ZNF540: variants seen among roughly 807,000 people sequenced by gnomAD.
The protein encoded by ZNF540 is zinc finger protein 540.
A neutral mutation model predicts 11.8 loss-of-function variants in ZNF540; 3 were observed. That is an observed-to-expected ratio of 0.25 (90% confidence interval 0.12 to 0.65). ZNF540 has a LOEUF of 0.65. ZNF540 is among the 30% of genes least tolerant of loss of function. The pLI is 0.83. For synonymous variants in ZNF540, 247 were observed against 259.0 expected, an observed-to-expected ratio of 0.95 and a Z score of 0.45; for missense variants, 709 against 793.1, an observed-to-expected ratio of 0.89 and a Z score of 1.27.
At chr19:37,589,200 C>CAA (rs35689698) in intron 1 of ZNF540, among the ~76,000 whole-genome samples, 1,400 of 108,500 alleles carry the variant, frequency 0.013, 27 homozygotes, top group East Asian at 0.029. Flanking sequence ...AACTCCGTCT[C>CAA]AAAAAAAAAA....
intron 1 of ZNF540, chr19:37,555,896 T>C: frequency 1.4e-6 from 1 of 700,858 alleles, no homozygotes. Flanking sequence ...AGTTATGGAA[T>C]GAAGATCTGG....
At chr19:37,568,779 G>T (rs745907949) in intron 1 of ZNF540, among the ~76,000 whole-genome samples, 2 of 152,078 alleles carry the variant, frequency 1.3e-5, no homozygotes, top group Non-Finnish European at 2.9e-5. Context: ...TGAAAAAAGG[G>T]AAAACTGCAA....
At chr19:37,589,864 CAAAAA>C (rs60136941), upstream of ZNF540, among the ~76,000 whole-genome samples, 15 of 29,590 alleles carry the variant, frequency 5.1e-4, no homozygotes, top group African/African-American at 8.9e-4. Flanking sequence ...GACTCCATCT[CAAAAA>C]AAAAAAAAAA....
At chr19:37,584,448 A>T (rs2043589606) in intron 1 of ZNF540, among the ~76,000 whole-genome samples, 1 of 152,230 alleles carries the variant, frequency 6.6e-6, no homozygotes, top group Non-Finnish European at 1.5e-5. Context: ...CTCAATTAAT[A>T]CAAGTTCTTG....
At position 37,569,612 on chromosome 19, in the gene ZNF540, A is replaced by G. The variant is rs1054010287; in HGVS notation, c.-73+17947A>G. On this transcript the variant is annotated intron_variant, in intron 1 of 4. Coordinates refer to the ZNF540 transcript ENST00000592533. This position sits in a 1 kb window ranked among gnomAD's most constrained non-coding sequence, Gnocchi z 4.4. ...AAACAACAAGTGCTGCTTATAACCT[A>G]CTAGGTTGTATTCATAACCTCTAGC... Among the ~76,000 whole-genome samples, 7 of 152,110 alleles carry G rather than the reference A, an allele frequency of 4.6e-5. No homozygotes were observed. Among genetic ancestry groups the G allele is most frequent in the African/African-American group, 1.7e-4 (7 of 41,414 alleles).
In ZNF540 at chr19:37,612,403, A is replaced by G; in HGVS notation, c.1123A>G (p.Arg375Gly). The change falls in exon 5 of 5, where the codon AGA becomes GGA. Residue 375 changes from arginine to glycine, a missense_variant. Physicochemically the swap from Arg to Gly is moderately radical, Grantham distance 125. Transcript: ENST00000316433. Reference protein sequence around the residue: ...RLSFYLTEHRRTHAGKKPYEC... With the variant: ...RLSFYLTEHRGTHAGKKPYEC... The stretch of plus-strand genomic sequence containing the variant: ...TAGTTTTTACCTTACTGAACACAGA[A>G]GAACTCATGCAGGTAAGAAACCTTA... The G allele has an allele frequency of 6.2e-7, 1 of 1,614,068 alleles. No homozygotes were observed. Among genetic ancestry groups the G allele is most frequent in the Non-Finnish European group, 8.5e-7 (1 of 1,180,006 alleles).
In ZNF540 at chr19:37,571,214, G is replaced by A. The variant is rs115024056; in HGVS notation, c.-73+19549G>A. On this transcript the variant is annotated intron_variant, in intron 1 of 4. Transcript: ENST00000592533. ...ATTTTGCCTTACAAATTCAAACTAC[G>A]ATTCCAGGCACGGTGGCTCATGCCT... Among the ~76,000 whole-genome samples the A allele has an allele frequency of 4.5e-3, 683 of 152,158 alleles. 6 individuals carry two copies. Among genetic ancestry groups the A allele is most frequent in the African/African-American group, 0.015 (637 of 41,528 alleles).
intron 1 of ZNF540, chr19:37,565,590 C>G: frequency 1.9e-6 from 3 of 1,613,442 alleles, no homozygotes; most frequent in Non-Finnish European, 8.5e-7. Flanking sequence ...TCCTTACATT[C>G]ATAGGGTTTT....
At chr19:37,570,603 C>T (rs911063854) in intron 1 of ZNF540, among the ~76,000 whole-genome samples, 2 of 152,172 alleles carry the variant, frequency 1.3e-5, no homozygotes, top group African/African-American at 2.4e-5. Context: ...GTAATTGTTA[C>T]TACCCAATGA....
chr19:37,610,819 A>G (rs528437679), intron 4 of ZNF540, among the ~76,000 whole-genome samples: 1 of 152,310 alleles, frequency 6.6e-6, no homozygotes, highest in African/African-American at 2.4e-5. Flanking sequence ...AGATTCTCAA[A>G]CTTTGATCTA....
At chr19:37,579,356 G>A (rs980446681) in intron 1 of ZNF540, among the ~76,000 whole-genome samples, 1 of 152,138 alleles carries the variant, frequency 6.6e-6, no homozygotes, top group Non-Finnish European at 1.5e-5. Context: ...TTTCCCCCAG[G>A]GCCTGAGGTC....
At chr19:37,565,176 G>C (rs1660007630) in intron 1 of ZNF540, 1 of 1,613,444 alleles carries the variant, frequency 6.2e-7, no homozygotes. Context: ...CATTTGTAGG[G>C]CTTCTCTCCG....
intron 4 of ZNF540, among the ~76,000 whole-genome samples, chr19:37,601,862 T>C (rs1331160370): frequency 6.6e-6 from 1 of 152,198 alleles, no homozygotes; most frequent in Non-Finnish European, 1.5e-5. Context: ...AAATATGAAT[T>C]TAGAGCTGAG....
chr19:37,564,395 A>G, intron 1 of ZNF540: 1 of 405,110 alleles, frequency 2.5e-6, no homozygotes. Flanking sequence ...ATGCTTAATA[A>G]AGGATATAAT....
intron 4 of ZNF540, among the ~76,000 whole-genome samples, chr19:37,604,473 A>T (rs1431244789): frequency 6.6e-6 from 1 of 151,376 alleles, no homozygotes; most frequent in South Asian, 2.1e-4. Flanking sequence ...ACGCCTGGCT[A>T]AGTTTTTGTA....
upstream of ZNF540, among the ~76,000 whole-genome samples, chr19:37,590,854 A>G (rs533772971): frequency 6.6e-6 from 1 of 152,358 alleles, no homozygotes; most frequent in Admixed American, 6.5e-5. Flanking sequence ...CCTTAAATAT[A>G]GCAAAACATA....
intron 3 of ZNF540, 21 bp downstream of exon 3, chr19:37,599,773 TA>T: frequency 6.4e-7 from 1 of 1,562,302 alleles, no homozygotes; most frequent in Non-Finnish European, 8.7e-7. Flanking sequence ...CTATGTCAAA[TA>T]ATGTAGACTC....
chr19:37,612,884 G>A lies in ZNF540; in HGVS notation c.1604G>A (p.Arg535Lys), dbSNP rs775788138. 6.8e-6 allele frequency: 11 copies of A among 1,613,968 alleles called. No individual in the cohort carries two copies. The highest frequency in any genetic ancestry group is 9.3e-6 in the Non-Finnish European group (11 of 1,179,966). ...CKECGKAFIR[R>K]GNLKEHLKIH... ...GAATGTGGAAAGGCCTTTATTCGTAGAGGGAATCTTAAAGAACATCTGAAA... is the reference window on the plus strand; with the variant it reads ...GAATGTGGAAAGGCCTTTATTCGTAAAGGGAATCTTAAAGAACATCTGAAA... Residue 535 changes from arginine to lysine, a missense_variant, in exon 5 of 5, where the codon AGA (arginine) becomes AAA (lysine). Transcript: ENST00000316433.
At chr19:37,561,111 C>T (rs2042713062) in intron 1 of ZNF540, among the ~76,000 whole-genome samples, 1 of 148,696 alleles carries the variant, frequency 6.7e-6, no homozygotes, top group Non-Finnish European at 1.5e-5. Flanking sequence ...TGTGGTGGTG[C>T]ACACCTATAG....
Sources: gnomAD v4.1 joint callset for allele counts (sites outside exome capture counted in the v4.1 genomes callset) on GRCh38, gnomAD v4.1.1 for gene constraint, Gnocchi (gnomAD v3.1) non-coding constraint, MANE v1.5 for transcripts, NCBI Gene and HGNC (gene_info 2026-07-23, HGNC 2026-07-21) for gene names.